The following PDE4D variants were observed in gnomAD, a reference collection of about 807,000 sequenced individuals.
PDE4D encodes 3',5'-cyclic-AMP phosphodiesterase 4D.
Under a neutral mutation model 87.4 loss-of-function variants are expected in PDE4D, and 24 were observed. The ratio of observed to expected loss-of-function variants is 0.27; its 90% CI spans 0.20 to 0.39. The LOEUF (loss-of-function observed/expected upper bound fraction) is 0.39, where lower values mean the gene tolerates loss of function less well. Among genes scored for constraint, PDE4D ranks in the 10% least tolerant of loss-of-function variants. The pLI is 1.00. For synonymous variants in PDE4D, 384 were observed against 383.2 expected (o/e 1.00, Z -0.02); for missense variants, 714 against 1,041.0 (o/e 0.69, Z 4.32).
At chr5:59,620,261 G>A (rs1830190603) in intron 1 of PDE4D, among the ~76,000 whole-genome samples, 1 of 152,142 alleles carries the variant, frequency 6.6e-6, no homozygotes, top group Admixed American at 6.6e-5. Flanking sequence ...CAGTGTAAGT[G>A]GTTGTGTTTT....
At chr5:60,157,370 G>T (rs1390604626) in intron 2 of PDE4D, among the ~76,000 whole-genome samples, 1 of 152,092 alleles carries the variant, frequency 6.6e-6, no homozygotes, top group Non-Finnish European at 1.5e-5. Flanking sequence ...AATTATCAGT[G>T]AACAGAGCAG....
intron 1 of PDE4D, chr5:59,314,673 C>A (rs1029501766): frequency 6.6e-6 from 1 of 152,144 alleles, no homozygotes; most frequent in African/African-American, 2.4e-5. Context: ...TCTGTGACCA[C>A]GCTAAGTGGC....
At chr5:60,334,191 T>A (rs769448469) in intron 1 of PDE4D, among the ~76,000 whole-genome samples, 1 of 152,226 alleles carries the variant, frequency 6.6e-6, no homozygotes. Context: ...CTTGAAGACC[T>A]GGTTATGTAA....
At chr5:60,339,594 A>G (rs1333293702) in intron 1 of PDE4D, among the ~76,000 whole-genome samples, 1 of 152,210 alleles carries the variant, frequency 6.6e-6, no homozygotes, top group Non-Finnish European at 1.5e-5. Flanking sequence ...TGCCTCCGGT[A>G]ATATGGCCTG....
chr5:59,404,669 A>C (rs1464307032), intron 1 of PDE4D, among the ~76,000 whole-genome samples: 4 of 147,926 alleles, frequency 2.7e-5, no homozygotes, highest in Non-Finnish European at 5.9e-5. Context: ...CTGTCTAAAA[A>C]AAAAAAAAAA....
chr5:60,119,268 C>G (rs1227872656), intron 2 of PDE4D, among the ~76,000 whole-genome samples: 1 of 152,162 alleles, frequency 6.6e-6, no homozygotes, highest in Non-Finnish European at 1.5e-5. Context: ...GGACACTATT[C>G]ATATAATAGT....
intron 5 of PDE4D, chr5:59,039,215 A>T: frequency 7.8e-7 from 1 of 1,280,848 alleles, no homozygotes; most frequent in Non-Finnish European, 9.9e-7. Flanking sequence ...GCCTCCAGGG[A>T]GGGCGTGCAA....
At chr5:59,444,684 T>C (rs1284326773) in intron 1 of PDE4D, among the ~76,000 whole-genome samples, 2 of 151,986 alleles carry the variant, frequency 1.3e-5, no homozygotes, top group Admixed American at 6.6e-5. Flanking sequence ...TGATGTCAGG[T>C]GCCTGTAGTC....
At chr5:59,767,639 C>T (rs1032961476) in intron 1 of PDE4D, among the ~76,000 whole-genome samples, 2 of 152,088 alleles carry the variant, frequency 1.3e-5, no homozygotes, top group African/African-American at 4.8e-5. Context: ...TCAAAGAACA[C>T]AACAATACTA....
chr5:60,394,341 C>T (rs1294280897), intron 1 of PDE4D, among the ~76,000 whole-genome samples: 3 of 152,138 alleles, frequency 2.0e-5, no homozygotes, highest in Non-Finnish European at 4.4e-5. Flanking sequence ...GCAGCTCTTG[C>T]CTCCTTTTAA....
At chr5:59,694,171 G>A (rs748997004) in intron 1 of PDE4D, among the ~76,000 whole-genome samples, 7 of 152,072 alleles carry the variant, frequency 4.6e-5, no homozygotes, top group African/African-American at 1.7e-4. Flanking sequence ...CTTTTCAAAC[G>A]AAATGAAACA....
chr5:59,304,840 T>A (rs1271056979), intron 1 of PDE4D, among the ~76,000 whole-genome samples: 1 of 152,182 alleles, frequency 6.6e-6, no homozygotes, highest in East Asian at 1.9e-4. Context: ...TTATCAAGGA[T>A]ATTGATCTGT....
At chr5:60,367,709 T>C (rs1361814215) in intron 1 of PDE4D, among the ~76,000 whole-genome samples, 1 of 152,134 alleles carries the variant, frequency 6.6e-6, no homozygotes, top group Non-Finnish European at 1.5e-5. Context: ...CTCAGTATGC[T>C]TGTCATTATA....
exon 3 of PDE4D, chr5:59,988,490 A>C: frequency 6.3e-7 from 1 of 1,585,752 alleles, no homozygotes; most frequent in Non-Finnish European, 8.6e-7. Flanking sequence ...GCACTCACCC[A>C]CTGGATTCTG....
At chr5:59,176,421 G>C (rs1205700615) in intron 5 of PDE4D, among the ~76,000 whole-genome samples, 2 of 152,048 alleles carry the variant, frequency 1.3e-5, no homozygotes, top group Non-Finnish European at 2.9e-5. Flanking sequence ...GGGCGTGGTG[G>C]TGGGCATCTG....
At chr5:59,140,085 T>C (rs550638767) in intron 5 of PDE4D, among the ~76,000 whole-genome samples, 1 of 152,244 alleles carries the variant, frequency 6.6e-6, no homozygotes, top group East Asian at 1.9e-4. Context: ...CACATAAGGG[T>C]AAAATAGTAT....
chr5:59,690,056 T>C (rs298080), intron 1 of PDE4D, among the ~76,000 whole-genome samples: 114,404 of 151,986 alleles, frequency 0.75, 43,177 homozygotes, highest in East Asian at 0.84. Flanking sequence ...CACTGCTCAA[T>C]GAAATAAAAG....
chr5:60,062,965 A>G (rs1771589106), intron 2 of PDE4D, among the ~76,000 whole-genome samples: 1 of 150,916 alleles, frequency 6.6e-6, no homozygotes, highest in South Asian at 2.1e-4. Flanking sequence ...TAGCTAATGC[A>G]TGCAGGGCTT....
chr5:59,802,914 T>C (rs1473078930), intron 1 of PDE4D, among the ~76,000 whole-genome samples: 2 of 151,968 alleles, frequency 1.3e-5, no homozygotes, highest in Non-Finnish European at 2.9e-5. Flanking sequence ...AGCTGATAAA[T>C]AGTTGGGGCC....
Sources: gnomAD v4.1 joint callset for allele counts (sites outside exome capture counted in the v4.1 genomes callset) on GRCh38, gnomAD v4.1.1 for gene constraint, MANE v1.5 for transcripts, NCBI Gene and HGNC (gene_info 2026-07-23, HGNC 2026-07-21) for gene names.